The following FAM76A variants were observed in gnomAD, a reference collection of about 807,000 sequenced individuals.
FAM76A encodes protein FAM76A.
FAM76A carries 32 observed loss-of-function variants against 46.2 expected under a neutral mutation model. The ratio of observed to expected loss-of-function variants is 0.69; its 90% CI spans 0.52 to 0.93. The LOEUF is 0.93. FAM76A is among the 40% of genes least tolerant of loss of function. FAM76A has a pLI of 0.00. For synonymous variants in FAM76A, 137 were observed against 127.0 expected, an observed-to-expected ratio of 1.08 and a Z score of -0.53; for missense variants, 274 against 361.5, an observed-to-expected ratio of 0.76 and a Z score of 1.96.
intron 4 of FAM76A, chr1:27,740,009 T>G (rs1338493515): frequency 2.9e-6 from 1 of 338,990 alleles, no homozygotes; most frequent in Non-Finnish European, 5.8e-6. Flanking sequence ...CTGGCCAGTT[T>G]AGGGGTCAAG....
intron 5 of FAM76A, among the ~76,000 whole-genome samples, chr1:27,745,127 T>TA (rs755462882): frequency 2.6e-5 from 4 of 152,212 alleles, no homozygotes; most frequent in Non-Finnish European, 5.9e-5. Context: ...TTCTGAGAGA[T>TA]ACAGCTTTTT....
At chr1:27,737,257 T>C (rs781562164) in intron 4 of FAM76A, among the ~76,000 whole-genome samples, 1 of 152,194 alleles carries the variant, frequency 6.6e-6, no homozygotes, top group Non-Finnish European at 1.5e-5. Flanking sequence ...CCTGCTCTTT[T>C]ATTTCTAAAG....
At position 27,762,155 on chromosome 1, in the gene FAM76A, G is replaced by A. The variant is rs1464769372; in HGVS notation, c.*1574G>A. On this transcript the variant is annotated 3_prime_UTR_variant, in exon 9 of 9. Transcript: ENST00000373954. ...TATTGAAAACAGGTGCTTCTCAGAA[G>A]CACTTTGCCTCAACCAGAGTTATGT... 1 of 152,092 alleles carries A rather than the reference G, an allele frequency of 6.6e-6. No homozygotes were observed. Among genetic ancestry groups the A allele is most frequent in the African/African-American group, 2.4e-5 (1 of 41,398 alleles). The allele number at this position is 152,092 out of a possible 1,614,324, so 9.4% of individuals were successfully genotyped here.
chr1:27,726,295 C>T (rs943995235), intron 1 of FAM76A, 134 bp downstream of exon 1: 5 of 786,312 alleles, frequency 6.4e-6, no homozygotes, highest in African/African-American at 5.4e-5. Context: ...GAGCCGCACC[C>T]ACCCCGCTGG....
intron 3 of FAM76A, 82 bp downstream of exon 3, chr1:27,732,739 C>A: frequency 9.7e-7 from 1 of 1,034,654 alleles, no homozygotes; most frequent in Non-Finnish European, 1.4e-6. Context: ...AATGCCATTA[C>A]AATATTTTTA....
At chr1:27,733,431 T>C (rs984262313) in intron 3 of FAM76A, among the ~76,000 whole-genome samples, 4 of 152,256 alleles carry the variant, frequency 2.6e-5, no homozygotes, top group African/African-American at 9.6e-5. Context: ...TCCAAAGAGC[T>C]GGTTCTGTTG....
At chr1:27,727,965 G>C (rs1043326821) in intron 2 of FAM76A, among the ~76,000 whole-genome samples, 2 of 151,902 alleles carry the variant, frequency 1.3e-5, no homozygotes, top group Non-Finnish European at 2.9e-5. Context: ...CTGCCACCAT[G>C]TCCGGCTAGT....
chr1:27,758,940 ATC>A (rs1369999058), intron 7 of FAM76A, among the ~76,000 whole-genome samples: 1 of 151,846 alleles, frequency 6.6e-6, no homozygotes, highest in Non-Finnish European at 1.5e-5. Context: ...CATTCAAATA[ATC>A]TCTGTTATCT....
intron 8 of FAM76A, 197 bp from the exon 9 acceptor site, chr1:27,760,298 T>A (rs1282338384): frequency 4.4e-6 from 2 of 453,886 alleles, no homozygotes; most frequent in African/African-American, 2.0e-5. Context: ...GTACACTGAT[T>A]AACCTCTGGC....
At chr1:27,735,938 T>G (rs1557776956) in intron 4 of FAM76A, among the ~76,000 whole-genome samples, 2 of 152,242 alleles carry the variant, frequency 1.3e-5, no homozygotes, top group African/African-American at 2.4e-5. Context: ...TTCTGCTTTA[T>G]AAATTACAAT....
At chr1:27,727,624 A>C in intron 2 of FAM76A, 88 bp downstream of exon 2, 1 of 929,240 alleles carries the variant, frequency 1.1e-6, no homozygotes, top group Non-Finnish European at 1.7e-6. Flanking sequence ...CAGATGCTAT[A>C]ATCAGTTGCA....
intron 1 of FAM76A, 54 bp from the exon 2 acceptor site, chr1:27,727,418 A>G: frequency 6.7e-7 from 1 of 1,488,930 alleles, no homozygotes; most frequent in Non-Finnish European, 9.4e-7. Flanking sequence ...TTCCTACTGA[A>G]GGCTGTTTCC....
chr1:27,740,528 TC>T, intron 4 of FAM76A: 1 of 1,360,040 alleles, frequency 7.4e-7, no homozygotes, highest in South Asian at 1.2e-5. Context: ...CATGATTATG[TC>T]TGGAAGCGTT....
chr1:27,747,219 C>T (rs2088254965), intron 5 of FAM76A, among the ~76,000 whole-genome samples: 2 of 152,142 alleles, frequency 1.3e-5, no homozygotes, highest in Non-Finnish European at 2.9e-5. Flanking sequence ...ATAGTTAACA[C>T]CATTTCCAAC....
intron 3 of FAM76A, 129 bp from the exon 4 acceptor site, chr1:27,733,902 C>G (rs2087999870): frequency 1.1e-6 from 1 of 900,020 alleles, no homozygotes; most frequent in Non-Finnish European, 1.7e-6. Context: ...AATATAAAAG[C>G]AGATTTATGA....
intron 5 of FAM76A, among the ~76,000 whole-genome samples, chr1:27,748,542 A>C (rs1371633691): frequency 1.4e-5 from 1 of 69,430 alleles, no homozygotes; most frequent in African/African-American, 6.5e-5. Context: ...AGTGCAGTGG[A>C]TTGATCTCGG....
intron 2 of FAM76A, 90 bp from the exon 3 acceptor site, chr1:27,732,513 C>A: frequency 9.4e-7 from 1 of 1,062,684 alleles, no homozygotes; most frequent in South Asian, 1.5e-5. Flanking sequence ...CTCACTTTGG[C>A]CCTTAGCAAT....
intron 5 of FAM76A, among the ~76,000 whole-genome samples, chr1:27,746,766 G>C (rs1326096038): frequency 6.6e-6 from 1 of 152,092 alleles, no homozygotes; most frequent in Non-Finnish European, 1.5e-5. Context: ...ACTGGGGGTA[G>C]GGATTATTTG....
chr1:27,755,333 A>G lies in FAM76A; in HGVS notation c.735+3A>G. 1.9e-6 allele frequency: 3 copies of G among 1,614,016 alleles called. No homozygotes were observed. Reference sequence around the variant, plus strand: ...TGATTTTAGAGAAAGAGAAGAAGGTATGGTTTAGTTAATTCCTCTCTGACC... The same window carrying G: ...TGATTTTAGAGAAAGAGAAGAAGGTGTGGTTTAGTTAATTCCTCTCTGACC... On this transcript the variant is annotated splice_donor_region_variant and intron_variant, in intron 7 of 8. Coordinates refer to ENST00000373954, the MANE Select transcript of FAM76A (RefSeq NM_152660.3).
Sources: gnomAD v4.1 joint callset for allele counts (sites outside exome capture counted in the v4.1 genomes callset) on GRCh38, gnomAD v4.1.1 for gene constraint, MANE v1.5 for transcripts, NCBI Gene and HGNC (gene_info 2026-07-23, HGNC 2026-07-21) for gene names.